The following PPP6C variants were observed in gnomAD, a reference collection of about 807,000 sequenced individuals.
The protein encoded by PPP6C is serine/threonine-protein phosphatase 6 catalytic subunit.
PPP6C carries 11 observed loss-of-function variants against 39.8 expected under a neutral mutation model. That is an observed-to-expected ratio of 0.28 (90% CI 0.17 to 0.46). PPP6C has a LOEUF of 0.46. PPP6C is among the 20% of genes least tolerant of loss of function. The pLI is 1.00. For synonymous variants in PPP6C, 129 were observed against 130.3 expected, an observed-to-expected ratio of 0.99 and a Z score of 0.07; for missense variants, 211 against 373.9, an observed-to-expected ratio of 0.56 and a Z score of 3.59.
chr9:125,155,846 A>G (rs1252260281), intron 4 of PPP6C, among the ~76,000 whole-genome samples: 1 of 150,462 alleles, frequency 6.6e-6, no homozygotes, highest in African/African-American at 2.4e-5. Flanking sequence ...CAGAGCTTGC[A>G]GTGAGCGAAG....
intron 1 of PPP6C, among the ~76,000 whole-genome samples, chr9:125,180,754 T>A (rs1829403929): frequency 6.6e-6 from 1 of 152,176 alleles, no homozygotes. Context: ...GAATTTTCGC[T>A]GACATGTAAC....
At chr9:125,171,261 G>C in intron 1 of PPP6C, 81 bp from the exon 2 acceptor site, 1 of 1,101,264 alleles carries the variant, frequency 9.1e-7, no homozygotes, top group Middle Eastern at 3.0e-4. Context: ...AAAAATACCA[G>C]GTCTAATACT....
rs1174283947 is a variant in PPP6C at position 125,149,508 on chromosome 9, C to G, written c.*165G>C. The G allele has an allele frequency of 1.1e-6, 1 of 888,088 alleles. No individual in the cohort carries two copies. Among genetic ancestry groups the G allele is most frequent in the Non-Finnish European group, 1.6e-6 (1 of 613,014 alleles). 55.0% of individuals were successfully genotyped at this position (888,088 alleles called of 1,614,324 possible). A position where few individuals can be genotyped will look rare whatever the true frequency, so the allele number is the denominator to read the frequency against. ...GATAGAAAAACTTTGCTATAGACACCACAACAAACAATAAATTTAGATAAT... is the reference window on the plus strand; with the variant it reads ...GATAGAAAAACTTTGCTATAGACACGACAACAAACAATAAATTTAGATAAT... On this transcript the variant is annotated 3_prime_UTR_variant, in exon 7 of 7. Coordinates refer to ENST00000373547, the MANE Select transcript of PPP6C (RefSeq NM_002721.5).
At chr9:125,150,246 A>G (rs1255599180) in intron 6 of PPP6C, among the ~76,000 whole-genome samples, 1 of 152,206 alleles carries the variant, frequency 6.6e-6, no homozygotes, top group African/African-American at 2.4e-5. Flanking sequence ...CATTTACTGA[A>G]GGTTTAGTAT....
intron 2 of PPP6C, among the ~76,000 whole-genome samples, chr9:125,167,677 T>A (rs185568560): frequency 7.3e-4 from 110 of 151,126 alleles, no homozygotes; most frequent in Non-Finnish European, 9.1e-4. Flanking sequence ...CACTCCAGCC[T>A]GGATAACAAG....
chr9:125,165,052 T>A (rs1256388494), intron 2 of PPP6C, among the ~76,000 whole-genome samples: 1 of 152,126 alleles, frequency 6.6e-6, no homozygotes, highest in African/African-American at 2.4e-5. Context: ...GTGGAATTTT[T>A]TTTTTTATCA....
Position 125,172,508 on chromosome 9 carries a change from G to A in PPP6C, c.76-1328C>T, listed in dbSNP as rs115334081. Among the ~76,000 whole-genome samples, 1,216 of 152,198 alleles carry A rather than the reference G, an allele frequency of 8.0e-3. 20 individuals carry two copies. Among genetic ancestry groups the A allele is most frequent in the African/African-American group, 0.027 (1,136 of 41,520 alleles). On this transcript the variant is annotated intron_variant, in intron 1 of 6. Coordinates refer to ENST00000373547, the MANE Select transcript of PPP6C (RefSeq NM_002721.5). ...AGGCATTGAGCCACTGCACTCGGCC[G>A]TGTTTACACATTCTTGAAATGACAA...
chr9:125,174,636 G>A (rs902871387), intron 1 of PPP6C, among the ~76,000 whole-genome samples: 7 of 151,926 alleles, frequency 4.6e-5, no homozygotes, highest in African/African-American at 1.2e-4. Context: ...CAGGCCAGCC[G>A]TGGTGGCTCA....
Position 125,149,688 on chromosome 9 carries a change from C to T in PPP6C, c.903G>A (p.Thr301=), listed in dbSNP as rs749555521. 6.8e-6 allele frequency: 11 copies of T among 1,613,774 alleles called. No homozygotes were observed. Among genetic ancestry groups the T allele is most frequent in the African/African-American group, 1.3e-5 (1 of 74,904 alleles). ...GGCGAAGGCCTCAAAGGAAATATGG[C>T]GTTGTCGTTCTGGGAGGAATAACAC... is the stretch of plus-strand genomic sequence containing the variant. ...SERVIPPRTT[T]PYFL Residue 301 remains threonine, a synonymous_variant, in exon 7 of 7, where the codon ACG becomes ACA. Coordinates refer to ENST00000373547, the MANE Select transcript of PPP6C (RefSeq NM_002721.5).
rs372374220 is a variant in PPP6C, at chr9:125,174,107, G to C, written c.76-2927C>G. ...AGGTGGAACCTTCCTTCCTACCTGA[G>C]ACCAGTTTGTACTATTGCCAAAGGC... On this transcript the variant is annotated intron_variant, in intron 1 of 6. Transcript: ENST00000373547. Among the ~76,000 whole-genome samples, 6 of 152,326 alleles carry C rather than the reference G, an allele frequency of 3.9e-5. No individual in the cohort carries two copies. In the South Asian group the frequency reaches 1.0e-3, roughly 26 times the overall value.
At chr9:125,162,377 G>A (rs1409422610) in intron 2 of PPP6C, among the ~76,000 whole-genome samples, 1 of 147,388 alleles carries the variant, frequency 6.8e-6, no homozygotes, top group Non-Finnish European at 1.5e-5. Flanking sequence ...AGAATTGCTT[G>A]AGCCCAGGAG....
chr9:125,152,154 A>G (rs1835964583), intron 6 of PPP6C, among the ~76,000 whole-genome samples: 2 of 152,074 alleles, frequency 1.3e-5, no homozygotes, highest in Admixed American at 1.3e-4. Flanking sequence ...CAGCGCAGCA[A>G]ATGTTTCTTG....
At chr9:125,179,246 A>G (rs943912656) in intron 1 of PPP6C, among the ~76,000 whole-genome samples, 5 of 147,570 alleles carry the variant, frequency 3.4e-5, no homozygotes, top group African/African-American at 1.3e-4. Context: ...CATATTTTGG[A>G]TAACAATACT....
chr9:125,180,680 C>A (rs753673347), intron 1 of PPP6C, among the ~76,000 whole-genome samples: 18 of 152,310 alleles, frequency 1.2e-4, no homozygotes, highest in South Asian at 2.1e-4. Flanking sequence ...CTTAGCCTCC[C>A]AAAGTGCTGG....
At chr9:125,155,759 G>A (rs1836053244) in intron 4 of PPP6C, among the ~76,000 whole-genome samples, 1 of 152,004 alleles carries the variant, frequency 6.6e-6, no homozygotes, top group Admixed American at 6.6e-5. Context: ...AAAAAAATTA[G>A]CCGGGCATGG....
intron 3 of PPP6C, among the ~76,000 whole-genome samples, chr9:125,159,867 C>T (rs924034965): frequency 6.6e-6 from 1 of 152,010 alleles, no homozygotes; most frequent in East Asian, 1.9e-4. Flanking sequence ...ACTAAAAATA[C>T]AAAAATTAGC....
intron 2 of PPP6C, among the ~76,000 whole-genome samples, chr9:125,162,953 C>T (rs1248354998): frequency 6.6e-6 from 1 of 151,288 alleles, no homozygotes; most frequent in Non-Finnish European, 1.5e-5. Context: ...CGGCGGGCAC[C>T]TGTAGTCCCA....
chr9:125,155,952 T>C (rs1359875923), intron 4 of PPP6C, among the ~76,000 whole-genome samples: 2 of 150,622 alleles, frequency 1.3e-5, no homozygotes, highest in Non-Finnish European at 3.0e-5. Context: ...TATAACAATA[T>C]GTATTTTATA....
intron 1 of PPP6C, among the ~76,000 whole-genome samples, chr9:125,179,156 G>A (rs925305741): frequency 9.5e-5 from 14 of 147,428 alleles, no homozygotes; most frequent in Admixed American, 2.1e-4. Context: ...CAGAGGTTGC[G>A]GTGAGCTGAG....
Sources: allele counts gnomAD v4.1 joint callset (sites outside exome capture counted in the v4.1 genomes callset), GRCh38; gene constraint gnomAD v4.1.1; transcripts MANE v1.5; gene names NCBI Gene and HGNC (gene_info 2026-07-23, HGNC 2026-07-21).